Variants in RUNX1 observed in about 807,000 individuals in gnomAD.
RUNX1 encodes runt-related transcription factor 1.
Under a neutral mutation model 42.8 loss-of-function variants are expected in RUNX1, and 19 were observed. The observed-to-expected ratio is 0.44, with a 90% CI of 0.31 to 0.65. The LOEUF (loss-of-function observed/expected upper bound fraction) is 0.65, where lower values mean the gene tolerates loss of function less well. RUNX1 is among the 30% of genes least tolerant of loss of function. RUNX1 has a pLI of 0.07. For missense variants in RUNX1, 528 were observed against 672.0 expected (o/e 0.79, Z 2.37); for synonymous variants, 271 against 289.4 (o/e 0.94, Z 0.64).
intron 2 of RUNX1, among the ~76,000 whole-genome samples, chr21:34,959,129 A>G (rs994118970): frequency 6.6e-6 from 1 of 151,972 alleles, no homozygotes; most frequent in Non-Finnish European, 1.5e-5. Context: ...GCAGCACACC[A>G]GCCTGGCACA....
At chr21:35,003,581 A>G (rs2059062593) in intron 2 of RUNX1, among the ~76,000 whole-genome samples, 1 of 152,148 alleles carries the variant, frequency 6.6e-6, no homozygotes, top group Non-Finnish European at 1.5e-5. Flanking sequence ...TATTGGGAAC[A>G]TTTGCCTGAA....
intron 7 of RUNX1, among the ~76,000 whole-genome samples, chr21:34,801,371 G>A (rs117700570): frequency 0.01 from 1,555 of 152,182 alleles, 21 homozygotes; most frequent in Non-Finnish European, 0.014. Flanking sequence ...TTCATGCTCC[G>A]TCATGTTTTA....
At position 34,971,737 on chromosome 21, in the gene RUNX1, T is replaced by C. The variant is rs555063311; in HGVS notation, c.58+77105A>G. Among the ~76,000 whole-genome samples the C allele has an allele frequency of 3.3e-5, 5 of 152,120 alleles. No homozygotes were observed. In the East Asian group the frequency reaches 9.7e-4, roughly 29 times the overall value. ...CATGTGAGGGCAAGAGATAGGGAGGTAAACTCCGGCAGCTCAGAGGGGACA... is the reference window on the plus strand; with the variant it reads ...CATGTGAGGGCAAGAGATAGGGAGGCAAACTCCGGCAGCTCAGAGGGGACA... On this transcript the variant is annotated intron_variant, in intron 2 of 8. Transcript: ENST00000675419.
intron 2 of RUNX1, among the ~76,000 whole-genome samples, chr21:34,926,951 G>T (rs1030840190): frequency 2.0e-5 from 3 of 152,178 alleles, no homozygotes; most frequent in African/African-American, 7.2e-5. Flanking sequence ...TTCTGGAGTG[G>T]TTTCTCTCAC....
In RUNX1 at chr21:34,789,918, A is replaced by T. The variant is rs1476630492; in HGVS notation, c.*2217T>A. 3 of 233,006 alleles carry T rather than the reference A, an allele frequency of 1.3e-5. No homozygotes were observed. The highest frequency in any genetic ancestry group is 2.5e-5 in the Non-Finnish European group (3 of 118,030). The allele number at this position is 233,006 out of a possible 1,614,324, so 14.4% of individuals were successfully genotyped here. Reference sequence around the variant, plus strand: ...TCTCCAGCATTTTTGCAGGTCAGACATGGTAACATGTGCTGAAAAAAAACA... The same window carrying T: ...TCTCCAGCATTTTTGCAGGTCAGACTTGGTAACATGTGCTGAAAAAAAACA... On this transcript the variant is annotated 3_prime_UTR_variant, in exon 9 of 9. Coordinates refer to ENST00000675419, the MANE Select transcript of RUNX1 (RefSeq NM_001754.5).
In RUNX1 at chr21:34,808,449, G is replaced by A. The variant is rs538318238; in HGVS notation, c.806-8987C>T. On this transcript the variant is annotated intron_variant, in intron 7 of 8. Transcript: ENST00000675419. ...TTCCGGGACCCGTATTCATCACCTC[G>A]CCGGGGAAGCTTTGTGGCTTTGTGG... is the stretch of plus-strand genomic sequence containing the variant. Among the ~76,000 whole-genome samples the A allele has an allele frequency of 4.6e-5, 7 of 152,230 alleles. No individual in the cohort carries two copies. In the East Asian group the frequency reaches 5.8e-4, roughly 13 times the overall value.
intron 2 of RUNX1, among the ~76,000 whole-genome samples, chr21:34,944,140 C>G (rs1249311274): frequency 6.6e-6 from 1 of 152,138 alleles, no homozygotes; most frequent in East Asian, 1.9e-4. Context: ...TCTCAAGTAC[C>G]TGGGACTACA....
chr21:34,897,548 T>C (rs1002423082), intron 2 of RUNX1, among the ~76,000 whole-genome samples: 4 of 152,204 alleles, frequency 2.6e-5, no homozygotes, highest in Admixed American at 6.5e-5. Context: ...CCTATGTGAC[T>C]TGAATTATAA....
At chr21:34,848,771 C>A (rs1439574176) in intron 6 of RUNX1, among the ~76,000 whole-genome samples, 1 of 152,112 alleles carries the variant, frequency 6.6e-6, no homozygotes, top group Non-Finnish European at 1.5e-5. Flanking sequence ...CTATGCCTGG[C>A]GAGTAGTGTC....
intron 2 of RUNX1, among the ~76,000 whole-genome samples, chr21:34,912,561 A>T (rs1006376293): frequency 6.6e-6 from 1 of 152,190 alleles, no homozygotes; most frequent in African/African-American, 2.4e-5. Flanking sequence ...ATTTCTGGCC[A>T]AGTCAAAACT....
intron 2 of RUNX1, among the ~76,000 whole-genome samples, chr21:35,044,446 C>T (rs2059382181): frequency 6.6e-6 from 1 of 152,204 alleles, no homozygotes; most frequent in Non-Finnish European, 1.5e-5. Flanking sequence ...GGCAAAGCAC[C>T]TTACACAGAT....
intron 2 of RUNX1, among the ~76,000 whole-genome samples, chr21:34,969,106 T>A (rs977565619): frequency 9.2e-5 from 14 of 152,188 alleles, no homozygotes; most frequent in African/African-American, 2.4e-4. Flanking sequence ...AGTACAGGCC[T>A]CTGTCTGCTT....
At chr21:34,850,148 G>A (rs1440474683) in intron 6 of RUNX1, among the ~76,000 whole-genome samples, 1 of 152,204 alleles carries the variant, frequency 6.6e-6, no homozygotes, top group Non-Finnish European at 1.5e-5. Flanking sequence ...AAGCACAGGA[G>A]TTGATGTATT....
intron 7 of RUNX1, among the ~76,000 whole-genome samples, chr21:34,822,241 C>A (rs4817694): frequency 1.3e-5 from 2 of 152,148 alleles, no homozygotes; most frequent in East Asian, 3.8e-4. Flanking sequence ...TGAAAACAAA[C>A]CAGACACCAC....
intron 2 of RUNX1, among the ~76,000 whole-genome samples, chr21:34,912,289 C>T (rs561746831): frequency 2.0e-5 from 3 of 150,668 alleles, no homozygotes; most frequent in South Asian, 4.2e-4. Context: ...TTTTCCTTTG[C>T]TACTTACTCT....
chr21:34,862,730 A>C (rs1396816901), intron 5 of RUNX1, among the ~76,000 whole-genome samples: 1 of 152,200 alleles, frequency 6.6e-6, no homozygotes, highest in Non-Finnish European at 1.5e-5. Context: ...GTATGACTTT[A>C]TCTCGATTAC....
In RUNX1 at chr21:34,843,101, C is replaced by T. The variant is rs1165827835; in HGVS notation, c.614-8500G>A. Among the ~76,000 whole-genome samples, 2 of 152,044 alleles carry T rather than the reference C, an allele frequency of 1.3e-5. No individual in the cohort carries two copies. Among genetic ancestry groups the T allele is most frequent in the African/African-American group, 2.4e-5 (1 of 41,396 alleles). On this transcript the variant is annotated intron_variant, in intron 6 of 8. Coordinates refer to ENST00000675419, the MANE Select transcript of RUNX1 (RefSeq NM_001754.5). The surrounding 1 kb of genome is among the most constrained non-coding windows in gnomAD (Gnocchi z 4.8). ...CAAAACAAAACAAAATATAGATACA[C>T]ATGGACACACATGTATAAACACACA...
chr21:35,040,974 C>G (rs1483043630), intron 2 of RUNX1, among the ~76,000 whole-genome samples: 1 of 151,970 alleles, frequency 6.6e-6, no homozygotes, highest in East Asian at 1.9e-4. Context: ...ATATGAAAAC[C>G]TACACATTTT....
chr21:35,041,824 A>T (rs1000320415), intron 2 of RUNX1, among the ~76,000 whole-genome samples: 1 of 152,164 alleles, frequency 6.6e-6, no homozygotes, highest in Non-Finnish European at 1.5e-5. Flanking sequence ...GAGGGCAATT[A>T]TCTGGTTATC....
Sources: allele counts gnomAD v4.1 joint callset (sites outside exome capture counted in the v4.1 genomes callset), GRCh38; gene constraint gnomAD v4.1.1; non-coding constraint Gnocchi (gnomAD v3.1); transcripts MANE v1.5; gene names NCBI Gene and HGNC (gene_info 2026-07-23, HGNC 2026-07-21).